Variants in CHEK1 observed in about 807,000 individuals in gnomAD.
The protein encoded by CHEK1 is checkpoint kinase 1, also known as serine/threonine-protein kinase Chk1.
CHEK1 carries 32 observed loss-of-function variants against 60.2 expected under a neutral mutation model. The ratio of observed to expected loss-of-function variants is 0.53; its 90% CI spans 0.40 to 0.71. The LOEUF (loss-of-function observed/expected upper bound fraction) is 0.71, where lower values mean the gene tolerates loss of function less well. Among genes scored for constraint, CHEK1 ranks in the 30% least tolerant of loss-of-function variants. The pLI is 0.00. For synonymous variants in CHEK1, 179 were observed against 187.2 expected, an observed-to-expected ratio of 0.96 and a Z score of 0.36; for missense variants, 399 against 564.6, an observed-to-expected ratio of 0.71 and a Z score of 2.97.
At chr11:125,626,594 G>A (rs1353128187) in intron 1 of CHEK1, 155 bp from the exon 2 acceptor site, 1 of 653,894 alleles carries the variant, frequency 1.5e-6, no homozygotes, top group Non-Finnish European at 2.7e-6. Flanking sequence ...TAGAATAGTT[G>A]TTCGTGGTTG....
intron 6 of CHEK1, among the ~76,000 whole-genome samples, chr11:125,635,159 A>G (rs560153137): frequency 1.3e-5 from 2 of 151,924 alleles, no homozygotes; most frequent in African/African-American, 4.8e-5. Flanking sequence ...GGGTCTCACT[A>G]TGTTGCCCAG....
intron 12 of CHEK1, among the ~76,000 whole-genome samples, chr11:125,654,824 T>C (rs1391743049): frequency 2.0e-5 from 3 of 152,218 alleles, no homozygotes; most frequent in African/African-American, 7.2e-5. Context: ...ATTCTTCTCA[T>C]AACTAAATCT....
chr11:125,653,667 C>A lies in CHEK1; in HGVS notation c.1234-79C>A, dbSNP rs1941811000. Reference sequence around the variant, plus strand: ...TTATTTGTAGTTTTTTGAGAAACTTCTATTCTGTTCTTCATAGTGGGTTTA... The same window carrying A: ...TTATTTGTAGTTTTTTGAGAAACTTATATTCTGTTCTTCATAGTGGGTTTA... On this transcript the variant is annotated intron_variant, in intron 11 of 12. Coordinates refer to ENST00000438015, the MANE Select transcript of CHEK1 (RefSeq NM_001114122.3). The surrounding 1 kb of genome is among the most constrained non-coding windows in gnomAD (Gnocchi z 4.3). 2 of 723,718 alleles carry A rather than the reference C, an allele frequency of 2.8e-6. No homozygotes were observed. The highest frequency in any genetic ancestry group is 3.4e-5 in the South Asian group (2 of 59,400). The allele number at this position is 723,718 out of a possible 1,614,324, so 44.8% of individuals were successfully genotyped here.
intron 10 of CHEK1, 48 bp downstream of exon 10, chr11:125,644,316 A>C: frequency 6.4e-7 from 1 of 1,554,066 alleles, no homozygotes; most frequent in Non-Finnish European, 8.7e-7. Flanking sequence ...TTTATTTTTT[A>C]TTGTCTTAAA....
intron 8 of CHEK1, among the ~76,000 whole-genome samples, chr11:125,639,346 C>G (rs1941191372): frequency 6.7e-6 from 1 of 150,206 alleles, no homozygotes; most frequent in African/African-American, 2.5e-5. Flanking sequence ...TTTCTCTGTC[C>G]TGTTCTCCTA....
chr11:125,653,480 C>T lies in CHEK1; in HGVS notation c.1234-266C>T, dbSNP rs773299889. Among the ~76,000 whole-genome samples, 16 of 152,180 alleles carry T rather than the reference C, an allele frequency of 1.1e-4. No homozygotes were observed. The highest frequency in any genetic ancestry group is 3.2e-3 in the Middle Eastern group (1 of 316). The stretch of plus-strand genomic sequence containing the variant: ...GCCTCCCAAAGTGCTGGATTACAGG[C>T]GTGAGCCACAGTGCCTGGCCTACAC... On this transcript the variant is annotated intron_variant, in intron 11 of 12. Coordinates refer to ENST00000438015, the MANE Select transcript of CHEK1 (RefSeq NM_001114122.3). This position sits in a 1 kb window ranked among gnomAD's most constrained non-coding sequence, Gnocchi z 4.3.
rs980250476 is a variant in CHEK1 at position 125,625,794 on chromosome 11, G to A, written c.-239G>A. The A allele has an allele frequency of 1.4e-6, 1 of 700,490 alleles. No individual in the cohort carries two copies. The highest frequency in any genetic ancestry group is 1.5e-5 in the South Asian group (1 of 67,562). The allele number at this position is 700,490 out of a possible 1,614,324, so 43.4% of individuals were successfully genotyped here. On this transcript the variant is annotated 5_prime_UTR_variant, in exon 1 of 13. Coordinates refer to ENST00000438015, the MANE Select transcript of CHEK1 (RefSeq NM_001114122.3). ...CGCCGTCCTTAAATCTCTTCAGCCA[G>A]GATCTCTCCCCGACTGCAAAGCAGC... is the stretch of plus-strand genomic sequence containing the variant.
intron 1 of CHEK1, 65 bp from the exon 2 acceptor site, chr11:125,626,684 G>T: frequency 6.9e-7 from 1 of 1,443,414 alleles, no homozygotes; most frequent in Non-Finnish European, 9.7e-7. Flanking sequence ...GGGGAGAGGC[G>T]GGGCTCAGTG....
chr11:125,665,081 G>C (rs1942075126), intron 13 of CHEK1, among the ~76,000 whole-genome samples: 4 of 152,042 alleles, frequency 2.6e-5, no homozygotes, highest in Non-Finnish European at 5.9e-5. Context: ...AAATGAGTTG[G>C]CTATAAAAAT....
At chr11:125,626,685 G>A in intron 1 of CHEK1, 64 bp from the exon 2 acceptor site, 3 of 1,450,120 alleles carry the variant, frequency 2.1e-6, no homozygotes, top group Non-Finnish European at 2.9e-6. Flanking sequence ...GGGAGAGGCG[G>A]GGCTCAGTGG....
rs747288732 is a variant in CHEK1, at chr11:125,644,594, A to G, written c.1184A>G (p.Glu395Gly). The G allele has an allele frequency of 1.4e-5, 22 of 1,614,172 alleles. No homozygotes were observed. Among genetic ancestry groups the G allele is most frequent in the Admixed American group, 5.0e-5 (3 of 60,026 alleles). The stretch of plus-strand genomic sequence containing the variant: ...GACAAATCTTATCAATGCCTGAAAG[A>G]GACTTGTGAGAAGTTGGGCTATCAA... ...DADKSYQCLKETCEKLGYQWK... is the reference protein window; with the variant it reads ...DADKSYQCLKGTCEKLGYQWK... The change falls in exon 11 of 13, where the codon GAG becomes GGG. Residue 395 changes from glutamate (E) to glycine (G), a missense_variant. Around this residue, in one of 2 missense-constraint regions of CHEK1, gnomAD observed 370 missense variants for 494.8 expected, o/e 0.75. Coordinates refer to ENST00000438015, the MANE Select transcript of CHEK1 (RefSeq NM_001114122.3).
intron 8 of CHEK1, among the ~76,000 whole-genome samples, chr11:125,641,609 C>A (rs943198943): frequency 3.9e-5 from 6 of 152,184 alleles, no homozygotes; most frequent in Non-Finnish European, 8.8e-5. Flanking sequence ...CTTTTCCTTT[C>A]AAACCCATTC....
intron 5 of CHEK1, among the ~76,000 whole-genome samples, chr11:125,631,514 A>G (rs891197735): frequency 2.6e-5 from 4 of 152,146 alleles, no homozygotes; most frequent in African/African-American, 9.7e-5. Flanking sequence ...ATTACTACTC[A>G]TAAGTAATTT....
downstream of CHEK1, chr11:125,678,034 C>T (rs112368260): frequency 1.7e-5 from 27 of 1,614,026 alleles, no homozygotes; most frequent in African/African-American, 2.3e-4. Context: ...GTATGCTCAC[C>T]TTCAGCATGT....
Position 125,657,072 on chromosome 11 carries a change from A to G in CHEK1, c.*1752A>G, listed in dbSNP as rs1010459027. ...AATAAGTTGCCTTAATTTTCCTGTA[A>G]TGTTCATTATATTGTTGTGGGAAGG... On this transcript the variant is annotated 3_prime_UTR_variant, in exon 13 of 13. Transcript: ENST00000438015. The G allele has an allele frequency of 2.2e-5, 4 of 181,770 alleles. No homozygotes were observed. The highest frequency in any genetic ancestry group is 4.7e-5 in the Non-Finnish European group (4 of 85,378). 11.3% of individuals were successfully genotyped at this position (181,770 alleles called of 1,614,324 possible).
intron 11 of CHEK1, among the ~76,000 whole-genome samples, chr11:125,650,696 G>A (rs192654378): frequency 6.6e-6 from 1 of 152,052 alleles, no homozygotes; most frequent in East Asian, 1.9e-4. Flanking sequence ...TCAGGTGGCT[G>A]GGATTACAGG....
At chr11:125,660,121 A>G (rs925134508), downstream of CHEK1, among the ~76,000 whole-genome samples, 5 of 152,178 alleles carry the variant, frequency 3.3e-5, no homozygotes, top group African/African-American at 1.2e-4. Flanking sequence ...CTTCTTGGTT[A>G]TTATGAATAA....
rs115320322 is a variant in CHEK1, at chr11:125,648,953, T to A, written c.1233+4310T>A. On this transcript the variant is annotated intron_variant, in intron 11 of 12. Transcript: ENST00000438015. ...TCTCAGCCTCCTAAGTAGCTGGGAC[T>A]ACAGGTGTACACTATCATACCCAGC... Among the ~76,000 whole-genome samples the A allele has an allele frequency of 8.8e-3, 1,338 of 152,306 alleles. 20 individuals are homozygous for A. The highest frequency in any genetic ancestry group is 0.029 in the African/African-American group (1,191 of 41,564).
chr11:125,660,133 G>GTTATT (rs1476419869), downstream of CHEK1, among the ~76,000 whole-genome samples: 5 of 152,074 alleles, frequency 3.3e-5, no homozygotes, highest in East Asian at 7.7e-4. Context: ...TATGAATAAG[G>GTTATT]CTGCTGTGCA....
Sources: gnomAD v4.1 joint callset for allele counts (sites outside exome capture counted in the v4.1 genomes callset) on GRCh38, gnomAD v4.1.1 for gene constraint, gnomAD v4.1.1 regional missense constraint, Gnocchi (gnomAD v3.1) non-coding constraint, MANE v1.5 for transcripts, NCBI Gene and HGNC (gene_info 2026-07-23, HGNC 2026-07-21) for gene names.